Variants in LINGO2 observed in about 807,000 individuals in gnomAD.
LINGO2 encodes the protein leucine-rich repeat and immunoglobulin-like domain-containing nogo receptor-interacting protein 2.
Under a neutral mutation model 30.6 loss-of-function variants are expected in LINGO2, and 14 were observed. The observed-to-expected ratio is 0.46, with a 90% confidence interval of 0.30 to 0.72. The LOEUF (loss-of-function observed/expected upper bound fraction) is 0.72, where lower values mean the gene tolerates loss of function less well. Ranked by LOEUF, LINGO2 falls within the 30% of genes least tolerant of loss-of-function variation. The probability of loss-of-function intolerance (pLI) is 0.07; values close to 1 mark genes in which losing one functional copy is unlikely to be tolerated. For missense variants in LINGO2, 729 were observed against 751.7 expected (o/e 0.97, Z 0.35); for synonymous variants, 317 against 288.5 (o/e 1.10, Z -1.00).
chr9:29,117,537 G>C, the LINGO2 span, among the ~76,000 whole-genome samples: 1 of 152,136 alleles, frequency 6.6e-6, no homozygotes, highest in Non-Finnish European at 1.5e-5. Context: ...GAGTCAAAGA[G>C]ATTGGACTTT....
chr9:29,081,053 G>C, the LINGO2 span, among the ~76,000 whole-genome samples: 1 of 151,914 alleles, frequency 6.6e-6, no homozygotes, highest in African/African-American at 2.4e-5. Context: ...AGAAAAAGAG[G>C]GAATCCTCCC....
the LINGO2 span, among the ~76,000 whole-genome samples, chr9:28,900,514 A>T: frequency 6.6e-6 from 1 of 152,180 alleles, no homozygotes; most frequent in Non-Finnish European, 1.5e-5. Context: ...CTTCTGGCAC[A>T]GTTTACCCAG....
the LINGO2 span, among the ~76,000 whole-genome samples, chr9:29,073,014 C>G: frequency 1.3e-5 from 2 of 151,226 alleles, no homozygotes; most frequent in Non-Finnish European, 2.9e-5. Context: ...CACACACACC[C>G]CACATGTCAC....
At chr9:28,155,758 G>T (rs549951066) in intron 4 of LINGO2, among the ~76,000 whole-genome samples, 1 of 152,046 alleles carries the variant, frequency 6.6e-6, no homozygotes, top group Non-Finnish European at 1.5e-5. Context: ...AATGCCTTTG[G>T]GAAGTGATTA....
the LINGO2 span, among the ~76,000 whole-genome samples, chr9:28,751,288 CAA>C: frequency 2.4e-5 from 2 of 82,020 alleles, no homozygotes; most frequent in South Asian, 6.5e-4. Context: ...AAGATCCAGT[CAA>C]AAAAAAAAAA....
chr9:28,736,821 C>A, the LINGO2 span, among the ~76,000 whole-genome samples: 7 of 152,062 alleles, frequency 4.6e-5, no homozygotes, highest in Non-Finnish European at 1.0e-4. Flanking sequence ...TATATACATA[C>A]ATACATAAAT....
chr9:28,090,444 C>A (rs1032640223), intron 4 of LINGO2, among the ~76,000 whole-genome samples: 1 of 152,170 alleles, frequency 6.6e-6, no homozygotes, highest in African/African-American at 2.4e-5. Context: ...AACATATAAA[C>A]AGAACCAAAG....
the LINGO2 span, among the ~76,000 whole-genome samples, chr9:28,892,910 C>A: frequency 1.3e-5 from 2 of 151,852 alleles, no homozygotes; most frequent in Non-Finnish European, 2.9e-5. Context: ...AATAAAAATT[C>A]CACTTCATTT....
At chr9:28,874,782 C>T in the LINGO2 span, among the ~76,000 whole-genome samples, 9 of 152,172 alleles carry the variant, frequency 5.9e-5, no homozygotes, top group Middle Eastern at 3.4e-3. Context: ...ATTAAGGATT[C>T]CCAAATCTAG....
chr9:28,983,175 A>G, the LINGO2 span, among the ~76,000 whole-genome samples: 2 of 151,978 alleles, frequency 1.3e-5, no homozygotes, highest in Non-Finnish European at 2.9e-5. Context: ...CAAGGTAAGA[A>G]TAATTTTACC....
intron 5 of LINGO2, among the ~76,000 whole-genome samples, chr9:27,977,010 T>G (rs775300166): frequency 1.4e-4 from 21 of 151,282 alleles, no homozygotes; most frequent in Non-Finnish European, 2.7e-4. Context: ...CAACAAAGAC[T>G]TCTGTTCCAC....
At chr9:27,990,976 CG>C (rs1821370266) in intron 5 of LINGO2, among the ~76,000 whole-genome samples, 1 of 151,974 alleles carries the variant, frequency 6.6e-6, no homozygotes, top group Non-Finnish European at 1.5e-5. Flanking sequence ...CCACTTTCCA[CG>C]GGGAAGGCAG....
the LINGO2 span, among the ~76,000 whole-genome samples, chr9:29,098,922 A>C: frequency 1.3e-5 from 2 of 152,184 alleles, no homozygotes; most frequent in Non-Finnish European, 2.9e-5. Flanking sequence ...AGAATAGCCA[A>C]AGCTATCCTG....
At chr9:28,388,896 T>TTCTCTCTTTC (rs1821710060) in intron 2 of LINGO2, among the ~76,000 whole-genome samples, 2 of 150,860 alleles carry the variant, frequency 1.3e-5, no homozygotes, top group African/African-American at 2.4e-5. Flanking sequence ...CTTTCTCTCT[T>TTCTCTCTTTC]TCTCTCTCTC....
chr9:28,688,475 T>A, the LINGO2 span, among the ~76,000 whole-genome samples: 6 of 152,254 alleles, frequency 3.9e-5, no homozygotes, highest in African/African-American at 1.4e-4. Flanking sequence ...TAAAACCTCA[T>A]GCTGGCAATG....
At chr9:28,215,730 C>T (rs911461173) in intron 4 of LINGO2, among the ~76,000 whole-genome samples, 13 of 151,680 alleles carry the variant, frequency 8.6e-5, no homozygotes, top group Admixed American at 2.0e-4. Context: ...ACATAAAATA[C>T]GCGGGACCAG....
chr9:28,002,016 C>T (rs375853467), intron 5 of LINGO2, among the ~76,000 whole-genome samples: 2 of 152,184 alleles, frequency 1.3e-5, no homozygotes, highest in African/African-American at 4.8e-5. Flanking sequence ...TGCCCTATGG[C>T]AAAACTTTCA....
the LINGO2 span, among the ~76,000 whole-genome samples, chr9:28,835,010 A>G: frequency 2.0e-5 from 3 of 152,218 alleles, no homozygotes; most frequent in Non-Finnish European, 4.4e-5. Flanking sequence ...GGTAAGGCAT[A>G]GCCAAACAGG....
At chr9:28,786,009 T>C in the LINGO2 span, among the ~76,000 whole-genome samples, 1 of 152,220 alleles carries the variant, frequency 6.6e-6, no homozygotes, top group African/African-American at 2.4e-5. Context: ...CTTTTATTTC[T>C]TACAAGAATT....
Sources: allele counts gnomAD v4.1 joint callset (sites outside exome capture counted in the v4.1 genomes callset), GRCh38; gene constraint gnomAD v4.1.1; transcripts MANE v1.5; gene names NCBI Gene and HGNC (gene_info 2026-07-23, HGNC 2026-07-21).